Variants in STXBP6 observed in about 807,000 individuals in gnomAD.
STXBP6 encodes syntaxin binding protein 6, also known as syntaxin-binding protein 6.
Under a neutral mutation model 26.9 loss-of-function variants are expected in STXBP6, and 21 were observed. The observed-to-expected ratio is 0.78, with a 90% CI of 0.55 to 1.12. The LOEUF is 1.12. Ranked by LOEUF, STXBP6 falls within the 50% of genes most tolerant of loss-of-function variation. STXBP6 has a pLI of 0.00. For synonymous variants in STXBP6, 97 were observed against 92.6 expected, an observed-to-expected ratio of 1.05 and a Z score of -0.27; for missense variants, 232 against 257.9, an observed-to-expected ratio of 0.90 and a Z score of 0.69.
intron 4 of STXBP6, among the ~76,000 whole-genome samples, chr14:24,844,453 G>A (rs2068882458): frequency 6.6e-6 from 1 of 152,226 alleles, no homozygotes; most frequent in East Asian, 1.9e-4. Context: ...ACTGGCATCT[G>A]AAGTGGGGAG....
In STXBP6 at chr14:25,006,290, G is replaced by A. The variant is rs570516686; in HGVS notation, c.-32-31440C>T. ...GCTGGGAAATGCATTCTTGCTGTGG[G>A]CTCAGGAAGAGGAAAACATGGATTA... is the stretch of plus-strand genomic sequence containing the variant. On this transcript the variant is annotated intron_variant, in intron 1 of 5. Coordinates refer to ENST00000323944, the MANE Select transcript of STXBP6 (RefSeq NM_001394410.1). Among the ~76,000 whole-genome samples, 31 of 152,282 alleles carry A rather than the reference G, an allele frequency of 2.0e-4. No homozygotes were observed. In the East Asian group the frequency reaches 5.6e-3, roughly 28 times the overall value.
At chr14:24,867,104 G>A (rs1246561469) in intron 2 of STXBP6, among the ~76,000 whole-genome samples, 4 of 152,092 alleles carry the variant, frequency 2.6e-5, no homozygotes, top group Non-Finnish European at 4.4e-5. Context: ...TTGGGCCCTT[G>A]AGAAAGAGAT....
chr14:24,819,036 C>G lies in STXBP6; in HGVS notation c.609+1G>C. ...AGAAGCCTGCTCCTCTCTTGGCCCA[C>G]CTTGTGCGCAGTTTCTGCAAACTGC... On this transcript the variant is annotated splice_donor_variant, in intron 5 of 5. Coordinates refer to ENST00000323944, the MANE Select transcript of STXBP6 (RefSeq NM_001394410.1). LOFTEE classifies it high-confidence loss of function. 6.3e-7 allele frequency: 1 copy of G among 1,583,094 alleles called. No individual in the cohort carries two copies. The highest frequency in any genetic ancestry group is 8.6e-7 in the Non-Finnish European group (1 of 1,161,294).
intron 2 of STXBP6, among the ~76,000 whole-genome samples, chr14:24,953,533 C>A (rs1294887600): frequency 6.6e-6 from 1 of 152,222 alleles, no homozygotes; most frequent in South Asian, 2.1e-4. Context: ...CCCACGCTTT[C>A]CGCATGTCCC....
At chr14:25,023,616 C>T (rs1364960784) in intron 1 of STXBP6, among the ~76,000 whole-genome samples, 1 of 151,796 alleles carries the variant, frequency 6.6e-6, no homozygotes, top group Non-Finnish European at 1.5e-5. Context: ...TGAGACTAGC[C>T]TGGGCAACAT....
intron 2 of STXBP6, among the ~76,000 whole-genome samples, chr14:24,903,146 A>G (rs2071271776): frequency 6.6e-6 from 1 of 152,174 alleles, no homozygotes; most frequent in Admixed American, 6.5e-5. Context: ...CTGAATTATC[A>G]CATGTGCTTG....
Position 24,819,081 on chromosome 14 carries a change from C to G in STXBP6, c.565G>C (p.Asp189His). ...RLGRAEEKTE[D>H]LKNSAQQFAE... ...AACTGCTGGGCGCTGTTCTTCAGGT[C>G]TTCTGTCTTCTCCTCTGCTCGGCCT... Residue 189 changes from aspartate to histidine, a missense_variant, in exon 5 of 6, where the codon GAC (aspartate) becomes CAC (histidine). Coordinates refer to ENST00000323944, the MANE Select transcript of STXBP6 (RefSeq NM_001394410.1). The G allele has an allele frequency of 6.2e-7, 1 of 1,612,892 alleles. No individual in the cohort carries two copies. Among genetic ancestry groups the G allele is most frequent in the East Asian group, 2.2e-5 (1 of 44,854 alleles).
intron 1 of STXBP6, among the ~76,000 whole-genome samples, chr14:25,043,129 G>A (rs2075669931): frequency 6.6e-6 from 1 of 152,184 alleles, no homozygotes. Flanking sequence ...TTTGTCTCTG[G>A]AGGAAAATCC....
At chr14:24,963,126 T>C (rs2073606334) in intron 2 of STXBP6, among the ~76,000 whole-genome samples, 1 of 152,160 alleles carries the variant, frequency 6.6e-6, no homozygotes, top group African/African-American at 2.4e-5. Flanking sequence ...TTTCATGTTT[T>C]TTATAACTAA....
rs1022058705 is a variant in STXBP6, at chr14:24,995,492, G to C, written c.-32-20642C>G. ...AGAATGTATAGATTAATTCCTACTA[G>C]GGAGATTTGGAAATACTTCTTAAAG... On this transcript the variant is annotated intron_variant, in intron 1 of 5. Coordinates refer to ENST00000323944, the MANE Select transcript of STXBP6 (RefSeq NM_001394410.1). Among the ~76,000 whole-genome samples, 4 of 152,118 alleles carry C rather than the reference G, an allele frequency of 2.6e-5. No individual in the cohort carries two copies. The South Asian group carries it at 8.3e-4, about 32-fold the overall frequency.
intron 1 of STXBP6, among the ~76,000 whole-genome samples, chr14:24,988,417 A>C (rs917509570): frequency 6.6e-6 from 1 of 152,242 alleles, no homozygotes; most frequent in African/African-American, 2.4e-5. Context: ...CACAAAATTA[A>C]GACTCTGAAG....
At chr14:24,822,371 C>CACAT (rs1479997845) in intron 4 of STXBP6, among the ~76,000 whole-genome samples, 1 of 152,152 alleles carries the variant, frequency 6.6e-6, no homozygotes, top group Non-Finnish European at 1.5e-5. Context: ...CAATCTTTAC[C>CACAT]ACATCTATGA....
intron 2 of STXBP6, among the ~76,000 whole-genome samples, chr14:24,951,410 G>A (rs1595174833): frequency 1.3e-5 from 2 of 151,942 alleles, no homozygotes; most frequent in East Asian, 1.9e-4. Flanking sequence ...TTTAATGAGC[G>A]TCATTCTAAC....
intron 2 of STXBP6, among the ~76,000 whole-genome samples, chr14:24,933,557 T>A (rs1275862955): frequency 1.3e-5 from 2 of 152,166 alleles, no homozygotes; most frequent in Non-Finnish European, 2.9e-5. Context: ...TTTATTACTA[T>A]TATTGTTGTT....
chr14:24,810,446 G>A lies in STXBP6; in HGVS notation c.*2263C>T, dbSNP rs544972675. ...TCTCTGTTGTGGGGAGGCCTAGGTA[G>A]GACTTTGACACTGAGAGGTCAAAGG... is the stretch of plus-strand genomic sequence containing the variant. On this transcript the variant is annotated 3_prime_UTR_variant, in exon 6 of 6. Transcript: ENST00000323944. The A allele has an allele frequency of 6.6e-6, 1 of 152,268 alleles. No individual in the cohort carries two copies. The highest frequency in any genetic ancestry group is 1.9e-4 in the East Asian group (1 of 5,180). The allele number at this position is 152,268 out of a possible 1,614,324, so 9.4% of individuals were successfully genotyped here.
chr14:24,877,218 CT>C (rs1166750611), intron 2 of STXBP6, among the ~76,000 whole-genome samples: 3 of 152,204 alleles, frequency 2.0e-5, no homozygotes, highest in Non-Finnish European at 2.9e-5. Flanking sequence ...TACAATGGCT[CT>C]TTTATGATGG....
intron 1 of STXBP6, among the ~76,000 whole-genome samples, chr14:25,023,627 A>T (rs1455981037): frequency 6.6e-6 from 1 of 152,064 alleles, no homozygotes; most frequent in African/African-American, 2.4e-5. Context: ...TGGGCAACAT[A>T]GCAAGACCCC....
chr14:24,829,503 T>C (rs1215361313), intron 4 of STXBP6, among the ~76,000 whole-genome samples: 3 of 152,178 alleles, frequency 2.0e-5, no homozygotes, highest in African/African-American at 7.2e-5. Context: ...ATCCCATCAG[T>C]GTCCAAGGAA....
At chr14:25,020,003 C>T (rs1267293043) in intron 1 of STXBP6, among the ~76,000 whole-genome samples, 1 of 151,310 alleles carries the variant, frequency 6.6e-6, no homozygotes, top group Non-Finnish European at 1.5e-5. Context: ...AAACTATAGA[C>T]TGATGGGCCT....
Sources: allele counts gnomAD v4.1 joint callset (sites outside exome capture counted in the v4.1 genomes callset), GRCh38; gene constraint gnomAD v4.1.1; transcripts MANE v1.5; gene names NCBI Gene and HGNC (gene_info 2026-07-23, HGNC 2026-07-21).